Variants in SEMA6D observed in about 807,000 individuals in gnomAD.
SEMA6D encodes semaphorin-6D.
A neutral mutation model predicts 106.6 loss-of-function variants in SEMA6D; 35 were observed. The ratio of observed to expected loss-of-function variants is 0.33; its 90% confidence interval spans 0.25 to 0.44. The LOEUF (loss-of-function observed/expected upper bound fraction) is 0.44, where lower values mean the gene tolerates loss of function less well. SEMA6D is among the 20% of genes least tolerant of loss of function. The pLI, the probability that SEMA6D is intolerant of heterozygous loss-of-function variation, is 1.00. For missense variants in SEMA6D, 1,185 were observed against 1,345.9 expected, an observed-to-expected ratio of 0.88 and a Z score of 1.87; for synonymous variants, 499 against 487.7, an observed-to-expected ratio of 1.02 and a Z score of -0.31.
intron 1 of SEMA6D, among the ~76,000 whole-genome samples, chr15:47,249,197 C>T (rs1327356127): frequency 1.3e-5 from 2 of 152,182 alleles, no homozygotes; most frequent in Admixed American, 1.3e-4. Flanking sequence ...AACTGCACTC[C>T]AGCCTGGGCG....
At chr15:47,472,549 A>G (rs1406334498) in intron 3 of SEMA6D, among the ~76,000 whole-genome samples, 1 of 152,202 alleles carries the variant, frequency 6.6e-6, no homozygotes, top group Non-Finnish European at 1.5e-5. Flanking sequence ...GTGGCCAAAG[A>G]GAACTGGTAT....
chr15:47,618,043 T>A (rs2077037910), intron 4 of SEMA6D, among the ~76,000 whole-genome samples: 1 of 152,186 alleles, frequency 6.6e-6, no homozygotes, highest in African/African-American at 2.4e-5. Flanking sequence ...CAGAAGACAG[T>A]TCAGAGAATA....
At chr15:47,327,627 T>C (rs1422516498) in intron 1 of SEMA6D, among the ~76,000 whole-genome samples, 1 of 152,166 alleles carries the variant, frequency 6.6e-6, no homozygotes, top group African/African-American at 2.4e-5. Flanking sequence ...ACAAGGTAAA[T>C]ATTAGATGGT....
At chr15:47,364,670 A>G (rs1176925325) in intron 1 of SEMA6D, among the ~76,000 whole-genome samples, 1 of 152,042 alleles carries the variant, frequency 6.6e-6, no homozygotes, top group Non-Finnish European at 1.5e-5. Context: ...CCATCACTCC[A>G]CGGCCTCTTT....
At chr15:47,697,455 A>G (rs1185944080) in intron 4 of SEMA6D, among the ~76,000 whole-genome samples, 1 of 152,156 alleles carries the variant, frequency 6.6e-6, no homozygotes, top group Non-Finnish European at 1.5e-5. Context: ...CTCTTGCCTC[A>G]TCTCCTCTCC....
intron 1 of SEMA6D, among the ~76,000 whole-genome samples, chr15:47,231,456 C>T (rs74401114): frequency 0.021 from 3,143 of 151,974 alleles, 97 homozygotes; most frequent in African/African-American, 0.071. Flanking sequence ...AAGAGCACGC[C>T]CCATTTGATG....
At chr15:47,516,965 C>T (rs1234388458) in intron 3 of SEMA6D, among the ~76,000 whole-genome samples, 1 of 152,148 alleles carries the variant, frequency 6.6e-6, no homozygotes, top group Non-Finnish European at 1.5e-5. Context: ...GACAGATGTG[C>T]TGAACTGAAA....
chr15:47,464,353 C>T (rs2042598400), intron 2 of SEMA6D, among the ~76,000 whole-genome samples: 3 of 152,052 alleles, frequency 2.0e-5, no homozygotes, highest in Non-Finnish European at 4.4e-5. Flanking sequence ...AATTCAGCCC[C>T]TGCAGCACCC....
rs867214610 is a variant in SEMA6D at position 47,545,890 on chromosome 15, C to G, written c.-86-54975C>G. 2.0e-5 allele frequency among the ~76,000 whole-genome samples: 3 copies of G among 152,148 alleles called. No individual in the cohort carries two copies. The South Asian group carries it at 6.2e-4, about 32-fold the overall frequency. On this transcript the variant is annotated intron_variant, in intron 3 of 19. Coordinates refer to the SEMA6D transcript ENST00000558014. ...TGCCCTCCTTATCATTTTTCCTCCC[C>G]CAGTGTGGCAACAGTCTAGGCTACA... is the stretch of plus-strand genomic sequence containing the variant.
intron 1 of SEMA6D, among the ~76,000 whole-genome samples, chr15:47,389,595 A>G (rs145258481): frequency 6.6e-6 from 1 of 152,344 alleles, no homozygotes; most frequent in Non-Finnish European, 1.5e-5. Flanking sequence ...TCAACTTTCA[A>G]TGCAAACCTT....
intron 3 of SEMA6D, among the ~76,000 whole-genome samples, chr15:47,478,755 A>G (rs1188489966): frequency 6.6e-6 from 1 of 152,186 alleles, no homozygotes; most frequent in Non-Finnish European, 1.5e-5. Flanking sequence ...TTCTCAAGCT[A>G]CTAATAAAGA....
chr15:47,352,721 T>C (rs1016058327), intron 1 of SEMA6D, among the ~76,000 whole-genome samples: 1 of 152,214 alleles, frequency 6.6e-6, no homozygotes, highest in Non-Finnish European at 1.5e-5. Context: ...TTTAGTTGAT[T>C]GACAGTTTTT....
At chr15:47,364,871 C>T (rs1240969705) in intron 1 of SEMA6D, among the ~76,000 whole-genome samples, 1 of 152,058 alleles carries the variant, frequency 6.6e-6, no homozygotes, top group Non-Finnish European at 1.5e-5. Flanking sequence ...AGGATCTGGG[C>T]ACATCTGGCT....
intron 3 of SEMA6D, among the ~76,000 whole-genome samples, chr15:47,545,741 T>C (rs1482497952): frequency 6.6e-6 from 1 of 152,126 alleles, no homozygotes; most frequent in Non-Finnish European, 1.5e-5. Flanking sequence ...ATGTCTTCTG[T>C]TACTCAGAGG....
chr15:47,298,160 C>T (rs1214164798), intron 1 of SEMA6D, among the ~76,000 whole-genome samples: 1 of 152,120 alleles, frequency 6.6e-6, no homozygotes. Context: ...TGAGAAGAAA[C>T]TCATGGAGAT....
chr15:47,471,802 G>A (rs758606959), intron 3 of SEMA6D, among the ~76,000 whole-genome samples: 1 of 152,056 alleles, frequency 6.6e-6, no homozygotes. Flanking sequence ...AGAAAATGCC[G>A]GTAGTAACAT....
At chr15:47,480,679 T>A (rs1462840294) in intron 3 of SEMA6D, among the ~76,000 whole-genome samples, 3 of 152,198 alleles carry the variant, frequency 2.0e-5, no homozygotes, top group Non-Finnish European at 2.9e-5. Context: ...ACTGAACTGC[T>A]AAGGTTCTTA....
intron 3 of SEMA6D, among the ~76,000 whole-genome samples, chr15:47,573,198 G>A (rs1409564982): frequency 4.0e-5 from 6 of 151,434 alleles, no homozygotes; most frequent in African/African-American, 1.5e-4. Flanking sequence ...TCAAAGTTTT[G>A]ATTTAACAAA....
chr15:47,214,262 A>G (rs964853122), intron 1 of SEMA6D, among the ~76,000 whole-genome samples: 3 of 152,146 alleles, frequency 2.0e-5, no homozygotes, highest in Non-Finnish European at 2.9e-5. Context: ...TTTCAAGGTG[A>G]TACAGGGTCA....
Sources: allele counts gnomAD v4.1 joint callset (sites outside exome capture counted in the v4.1 genomes callset), GRCh38; gene constraint gnomAD v4.1.1; transcripts MANE v1.5; gene names NCBI Gene and HGNC (gene_info 2026-07-23, HGNC 2026-07-21).